Variants in FBN2 observed in about 807,000 individuals in gnomAD.
FBN2 encodes fibrillin 2, also known as fibrillin-2.
In FBN2, 105 loss-of-function variants were observed where a neutral mutation model predicts 355.6. The ratio of observed to expected loss-of-function variants is 0.30; its 90% CI spans 0.25 to 0.35. The LOEUF (loss-of-function observed/expected upper bound fraction) is 0.35. FBN2 is among the 10% of genes least tolerant of loss of function. The pLI is 1.00. For missense variants in FBN2, 3,280 were observed against 3,758.7 expected (o/e 0.87, Z 3.33); for synonymous variants, 1,350 against 1,301.2 (o/e 1.04, Z -0.81).
At chr5:128,305,716 C>A in intron 43 of FBN2, 80 bp from the exon 44 acceptor site, 4 of 1,599,680 alleles carry the variant, frequency 2.5e-6, no homozygotes, top group Non-Finnish European at 2.6e-6. Context: ...CTTTGATGAT[C>A]AACTCTTGAA....
chr5:128,496,770 T>C (rs926533405), intron 5 of FBN2, among the ~76,000 whole-genome samples: 2 of 151,642 alleles, frequency 1.3e-5, no homozygotes, highest in African/African-American at 4.8e-5. Flanking sequence ...AAATATACAT[T>C]ATGAAAAAAT....
At chr5:128,275,930 C>T in intron 59 of FBN2, 108 bp downstream of exon 59, 3 of 1,242,766 alleles carry the variant, frequency 2.4e-6, no homozygotes, top group Non-Finnish European at 2.4e-6. Flanking sequence ...TAGGATGGGA[C>T]CTTTTAATGA....
chr5:128,296,786 C>G (rs1198675824), intron 48 of FBN2, among the ~76,000 whole-genome samples: 1 of 152,038 alleles, frequency 6.6e-6, no homozygotes, highest in Non-Finnish European at 1.5e-5. Context: ...TTCAAAAAAC[C>G]AGCTCCTGGA....
chr5:128,258,378 A>C lies in FBN2; in HGVS notation c.*1077T>G, dbSNP rs1044065547. On this transcript the variant is annotated 3_prime_UTR_variant, in exon 65 of 65. Coordinates refer to ENST00000262464, the MANE Select transcript of FBN2 (RefSeq NM_001999.4). ...CAGTATTAATGAAAATTCTAAAAAA[A>C]AAATGGGTTTAAAACAACAACAACA... 1.3e-5 allele frequency: 2 copies of C among 152,646 alleles called. No homozygotes were observed. Among genetic ancestry groups the C allele is most frequent in the African/African-American group, 4.8e-5 (2 of 41,464 alleles). 9.5% of individuals were successfully genotyped at this position (152,646 alleles called of 1,614,324 possible).
chr5:128,419,170 A>G (rs1753280555), intron 7 of FBN2, among the ~76,000 whole-genome samples: 2 of 152,238 alleles, frequency 1.3e-5, no homozygotes, highest in African/African-American at 4.8e-5. Context: ...TGGTTCTAAT[A>G]GTTTTTAGAG....
At chr5:128,386,317 A>C (rs1752364957) in intron 11 of FBN2, among the ~76,000 whole-genome samples, 1 of 152,136 alleles carries the variant, frequency 6.6e-6, no homozygotes, top group Non-Finnish European at 1.5e-5. Context: ...ACTTTGTCAG[A>C]GATCAAATGG....
chr5:128,294,992 C>A (rs1004613448), intron 48 of FBN2, among the ~76,000 whole-genome samples: 17 of 150,330 alleles, frequency 1.1e-4, no homozygotes, highest in East Asian at 5.9e-4. Flanking sequence ...GTCTTTAATC[C>A]ATCTTGGATT....
intron 39 of FBN2, among the ~76,000 whole-genome samples, chr5:128,310,382 ATATATATATATATATATATATTTTT>A (rs1181865897): frequency 3.0e-3 from 38 of 12,786 alleles, no homozygotes; most frequent in African/African-American, 0.01. Context: ...ATATATATAT[ATATATATATATATATATATATTTTT>A]TTTTTTTTTT....
intron 19 of FBN2, among the ~76,000 whole-genome samples, chr5:128,358,366 T>C (rs890910480): frequency 7.9e-5 from 12 of 152,130 alleles, no homozygotes. Flanking sequence ...GCATTTTATA[T>C]TGAACACTGG....
rs543259513 is a variant in FBN2 at position 128,338,592 on chromosome 5, T to C, written c.3472+341A>G. On this transcript the variant is annotated intron_variant, in intron 26 of 64. Transcript: ENST00000262464. The stretch of plus-strand genomic sequence containing the variant: ...TAGTACACAAATAAGAGCAATAACA[T>C]GGGATTGGCATGACTGAATACAAAT... Among the ~76,000 whole-genome samples the C allele has an allele frequency of 2.0e-5, 3 of 152,282 alleles. No individual in the cohort carries two copies. The East Asian group carries it at 5.8e-4, about 29-fold the overall frequency.
chr5:128,311,944 T>C lies in FBN2; in HGVS notation c.4889A>G (p.Tyr1630Cys), dbSNP rs1248875746. The change falls in exon 38 of 65, where the codon TAC becomes TGC. Residue 1630 changes from tyrosine to cysteine, a missense_variant. Tyr to Cys is a radical substitution (Grantham distance 194). Around this residue, in one of 6 missense-constraint regions of FBN2, gnomAD observed 2,284 missense variants for 2,749.5 expected, o/e 0.83. Transcript: ENST00000262464. ...TCPPVNSTEY[Y>C]TLCPGGEGFR... is the part of the protein sequence containing the mutation. ...GCCTTCACCTCCGGGACACAGGGTGTAATATTCAGCTACAAAACAATAGAA... is the reference window on the plus strand; with the variant it reads ...GCCTTCACCTCCGGGACACAGGGTGCAATATTCAGCTACAAAACAATAGAA... 6.2e-7 allele frequency: 1 copy of C among 1,609,788 alleles called. No individual in the cohort carries two copies. The highest frequency in any genetic ancestry group is 1.3e-5 in the African/African-American group (1 of 74,808).
intron 44 of FBN2, among the ~76,000 whole-genome samples, chr5:128,305,288 A>G (rs770477699): frequency 2.0e-5 from 3 of 152,172 alleles, no homozygotes; most frequent in Non-Finnish European, 4.4e-5. Flanking sequence ...GTTTATTGGT[A>G]TCTGAAGGAT....
chr5:128,386,012 G>A (rs1440215975), intron 11 of FBN2, among the ~76,000 whole-genome samples: 2 of 152,062 alleles, frequency 1.3e-5, no homozygotes, highest in African/African-American at 4.8e-5. Flanking sequence ...ATGTGCAGAA[G>A]CTCTTTAGTT....
chr5:128,382,230 C>T (rs1325883800), intron 11 of FBN2, among the ~76,000 whole-genome samples: 1 of 152,058 alleles, frequency 6.6e-6, no homozygotes, highest in African/African-American at 2.4e-5. Flanking sequence ...TCCTCACTGC[C>T]TTTGATTTTT....
At chr5:128,505,188 T>C (rs529362535) in intron 5 of FBN2, among the ~76,000 whole-genome samples, 5 of 152,316 alleles carry the variant, frequency 3.3e-5, no homozygotes, top group African/African-American at 1.2e-4. Context: ...GTTATGTCTT[T>C]ATTAGCAGTG....
intron 34 of FBN2, among the ~76,000 whole-genome samples, chr5:128,321,471 T>G (rs1406654555): frequency 6.6e-6 from 1 of 152,032 alleles, no homozygotes; most frequent in African/African-American, 2.4e-5. Context: ...CAGGCCCCAG[T>G]GTGTGATGTT....
chr5:128,350,288 G>A (rs1452514300), intron 21 of FBN2, among the ~76,000 whole-genome samples: 1 of 152,134 alleles, frequency 6.6e-6, no homozygotes, highest in Non-Finnish European at 1.5e-5. Flanking sequence ...GGTCAGGCGC[G>A]GTGGCTCACG....
chr5:128,271,858 C>G, intron 62 of FBN2, 141 bp downstream of exon 62: 1 of 940,746 alleles, frequency 1.1e-6, no homozygotes, highest in South Asian at 1.3e-5. Context: ...AATGAGTCCC[C>G]ATGCATCAGT....
intron 7 of FBN2, among the ~76,000 whole-genome samples, chr5:128,437,857 A>AAAT (rs536166418): frequency 4.4e-4 from 67 of 152,068 alleles, no homozygotes; most frequent in African/African-American, 1.6e-3. Context: ...AGAAATGCTG[A>AAAT]AATAAATAAA....
Sources: allele counts gnomAD v4.1 joint callset (sites outside exome capture counted in the v4.1 genomes callset), GRCh38; gene constraint gnomAD v4.1.1; regional missense constraint gnomAD v4.1.1; transcripts MANE v1.5; gene names NCBI Gene and HGNC (gene_info 2026-07-23, HGNC 2026-07-21).